Variants in SYBU observed in about 807,000 individuals in gnomAD.
The protein encoded by SYBU is syntabulin.
Under a neutral mutation model 35.9 loss-of-function variants are expected in SYBU, and 21 were observed. The ratio of observed to expected loss-of-function variants is 0.58; its 90% CI spans 0.41 to 0.84. The LOEUF (loss-of-function observed/expected upper bound fraction) is 0.84. Ranked by LOEUF, SYBU falls within the 40% of genes least tolerant of loss-of-function variation. SYBU has a pLI of 0.00. For missense variants in SYBU, 768 were observed against 848.2 expected (o/e 0.91, Z 1.17); for synonymous variants, 319 against 324.3 (o/e 0.98, Z 0.18).
chr8:109,663,810 T>C (rs3108867), intron 1 of SYBU, among the ~76,000 whole-genome samples: 13,475 of 152,218 alleles, frequency 0.089, 870 homozygotes, highest in East Asian at 0.32. Flanking sequence ...TTATTGTTTC[T>C]GATGCTATTT....
At chr8:109,581,040 C>A (rs1244062842) in intron 4 of SYBU, 2 of 152,214 alleles carry the variant, frequency 1.3e-5, no homozygotes, top group African/African-American at 2.4e-5. Flanking sequence ...TCTCTATATT[C>A]TTCCTTCCCT....
In SYBU at chr8:109,574,802, G is replaced by T; in HGVS notation, c.*104C>A. On this transcript the variant is annotated 3_prime_UTR_variant, in exon 7 of 7. Transcript: ENST00000276646. ...TATAGTGCAAATCAAATACCAAGGA[G>T]CAAAACGACAGAATAGAGACTGTCA... The T allele has an allele frequency of 7.7e-7, 1 of 1,306,646 alleles. No individual in the cohort carries two copies. Among genetic ancestry groups the T allele is most frequent in the Non-Finnish European group, 1.0e-6 (1 of 965,400 alleles). 80.9% of individuals were successfully genotyped at this position (1,306,646 alleles called of 1,614,324 possible). A position where few individuals can be genotyped will look rare whatever the true frequency, so the allele number is the denominator to read the frequency against.
intron 3 of SYBU, among the ~76,000 whole-genome samples, chr8:109,593,830 C>T (rs932250543): frequency 6.6e-6 from 1 of 152,204 alleles, no homozygotes; most frequent in Non-Finnish European, 1.5e-5. Flanking sequence ...CAACGGGCAG[C>T]CCTTCCCCCA....
chr8:109,678,885 T>A (rs1454829501), intron 1 of SYBU, among the ~76,000 whole-genome samples: 1 of 152,144 alleles, frequency 6.6e-6, no homozygotes, highest in Non-Finnish European at 1.5e-5. Context: ...GCGTTTGAAC[T>A]AGAGCAACTC....
At chr8:109,685,071 T>C (rs1451351918), upstream of SYBU, among the ~76,000 whole-genome samples, 2 of 152,176 alleles carry the variant, frequency 1.3e-5, no homozygotes, top group Non-Finnish European at 2.9e-5. Flanking sequence ...AAACTCAGCA[T>C]TAGACAGGCT....
chr8:109,579,076 A>G lies in SYBU; in HGVS notation c.734+723T>C, dbSNP rs78411022. ...GACGAGAATAGGGATGCCCAGCAGG[A>G]AGAAGGCCGAAGGAGGAGGGCAGCC... On this transcript the variant is annotated intron_variant, in intron 5 of 6. Coordinates refer to ENST00000276646, the MANE Select transcript of SYBU (RefSeq NM_001099754.2). Among the ~76,000 whole-genome samples, 1,086 of 152,242 alleles carry G rather than the reference A, an allele frequency of 7.1e-3. 8 individuals are homozygous for G. Among genetic ancestry groups the G allele is most frequent in the African/African-American group, 0.025 (1,030 of 41,548 alleles).
chr8:109,659,770 C>T (rs1408404299), intron 1 of SYBU, among the ~76,000 whole-genome samples: 2 of 152,076 alleles, frequency 1.3e-5, no homozygotes, highest in South Asian at 2.1e-4. Flanking sequence ...TGTAAATAGG[C>T]ACACTTTAAT....
chr8:109,687,304 G>A (rs1432969546), intron 1 of SYBU, among the ~76,000 whole-genome samples: 7 of 152,002 alleles, frequency 4.6e-5, no homozygotes, highest in Non-Finnish European at 2.9e-5. Flanking sequence ...AAACTAAAAA[G>A]GAAAAAATAA....
chr8:109,623,039 A>G (rs1324479986), intron 2 of SYBU, among the ~76,000 whole-genome samples: 4 of 152,036 alleles, frequency 2.6e-5, no homozygotes, highest in African/African-American at 4.8e-5. Flanking sequence ...GCGCACACAC[A>G]CACACACACA....
intron 3 of SYBU, among the ~76,000 whole-genome samples, chr8:109,595,249 A>C (rs1033668590): frequency 6.6e-6 from 1 of 152,182 alleles, no homozygotes; most frequent in Non-Finnish European, 1.5e-5. Flanking sequence ...CAAGCATGAA[A>C]ATAAAAAAAA....
intron 3 of SYBU, among the ~76,000 whole-genome samples, chr8:109,588,066 G>C (rs1054631286): frequency 6.6e-6 from 1 of 152,140 alleles, no homozygotes; most frequent in Non-Finnish European, 1.5e-5. Context: ...TTATCAGGTT[G>C]GTTATTAAAT....
intron 1 of SYBU, among the ~76,000 whole-genome samples, chr8:109,669,703 A>C (rs1816907116): frequency 6.6e-6 from 1 of 152,242 alleles, no homozygotes; most frequent in Non-Finnish European, 1.5e-5. Flanking sequence ...CTATTTCATA[A>C]TAGAGAAGAA....
intron 1 of SYBU, among the ~76,000 whole-genome samples, chr8:109,677,160 A>T (rs900491769): frequency 1.1e-4 from 16 of 152,082 alleles, no homozygotes; most frequent in Non-Finnish European, 2.1e-4. Flanking sequence ...CCTTTAAAGA[A>T]CTTGTGCCAA....
intron 1 of SYBU, among the ~76,000 whole-genome samples, chr8:109,662,671 G>C (rs979065392): frequency 5.3e-5 from 8 of 152,174 alleles, no homozygotes; most frequent in African/African-American, 1.9e-4. Context: ...GGGTTCTGTA[G>C]TATCTATCAG....
intron 1 of SYBU, among the ~76,000 whole-genome samples, chr8:109,662,645 C>G (rs1225279184): frequency 6.6e-6 from 1 of 152,134 alleles, no homozygotes; most frequent in African/African-American, 2.4e-5. Context: ...TAGACCCTCT[C>G]CTCAAAAATT....
intron 2 of SYBU, among the ~76,000 whole-genome samples, chr8:109,634,830 C>T (rs1387321427): frequency 3.9e-5 from 6 of 152,202 alleles, no homozygotes; most frequent in Admixed American, 2.6e-4. Context: ...TTTGTAGTCA[C>T]ATCCAGTCTT....
intron 3 of SYBU, among the ~76,000 whole-genome samples, chr8:109,606,130 T>C (rs1159493050): frequency 6.6e-6 from 1 of 152,200 alleles, no homozygotes; most frequent in African/African-American, 2.4e-5. Context: ...CTCATGTACA[T>C]AAAATCCCAC....
intron 1 of SYBU, among the ~76,000 whole-genome samples, chr8:109,690,785 C>G (rs961152223): frequency 5.3e-5 from 8 of 152,184 alleles, no homozygotes; most frequent in Non-Finnish European, 1.2e-4. Flanking sequence ...TTCAACAGCA[C>G]ATTAATGGAA....
At chr8:109,670,517 T>C (rs1586984600) in intron 1 of SYBU, among the ~76,000 whole-genome samples, 1 of 152,058 alleles carries the variant, frequency 6.6e-6, no homozygotes, top group African/African-American at 2.4e-5. Context: ...TACTAGCTCA[T>C]TGAATTTCTA....
Sources: gnomAD v4.1 joint callset for allele counts (sites outside exome capture counted in the v4.1 genomes callset) on GRCh38, gnomAD v4.1.1 for gene constraint, MANE v1.5 for transcripts, NCBI Gene and HGNC (gene_info 2026-07-23, HGNC 2026-07-21) for gene names.